Variants in CSMD1 observed in about 807,000 individuals in gnomAD.
CSMD1 encodes CUB and Sushi multiple domains 1, also known as CUB and sushi domain-containing protein 1.
In CSMD1, 213 loss-of-function variants were observed where a neutral mutation model predicts 417.5. The observed-to-expected ratio is 0.51, with a 90% confidence interval of 0.46 to 0.57. The LOEUF (loss-of-function observed/expected upper bound fraction) is 0.57. Ranked by LOEUF, CSMD1 falls within the 20% of genes least tolerant of loss-of-function variation. The probability of loss-of-function intolerance (pLI) is 0.00; values close to 1 mark genes in which losing one functional copy is unlikely to be tolerated. For missense variants in CSMD1, 6,923 were observed against 4,529.7 expected (o/e 1.53, Z -15.17); for synonymous variants, 2,862 against 1,736.8 (o/e 1.65, Z -16.11).
At chr8:3,556,392 AATATAT>A (rs367650533) in intron 10 of CSMD1, among the ~76,000 whole-genome samples, 17 of 120,448 alleles carry the variant, frequency 1.4e-4, no homozygotes, top group Non-Finnish European at 2.4e-4. Flanking sequence ...TATAATAATT[AATATAT>A]ATATATATAT....
At chr8:4,738,672 T>C (rs1403374009) in intron 1 of CSMD1, among the ~76,000 whole-genome samples, 1 of 151,914 alleles carries the variant, frequency 6.6e-6, no homozygotes, top group East Asian at 1.9e-4. Context: ...TTTGACAAAG[T>C]AAAAAAAATC....
intron 3 of CSMD1, among the ~76,000 whole-genome samples, chr8:4,352,748 T>G (rs1196959279): frequency 6.6e-6 from 1 of 152,204 alleles, no homozygotes; most frequent in African/African-American, 2.4e-5. Context: ...TAAGAGTCAT[T>G]TGATGGAAAC....
intron 23 of CSMD1, among the ~76,000 whole-genome samples, chr8:3,339,245 G>A (rs1807484217): frequency 6.6e-6 from 1 of 151,804 alleles, no homozygotes; most frequent in African/African-American, 2.4e-5. Context: ...GTGTTTCTTT[G>A]GAATGTCGTT....
intron 1 of CSMD1, among the ~76,000 whole-genome samples, chr8:4,983,658 G>C (rs532968499): frequency 1.3e-5 from 2 of 152,176 alleles, no homozygotes; most frequent in Admixed American, 6.5e-5. Flanking sequence ...ATGTAGCTTG[G>C]ATTACGGGTG....
Position 4,138,316 on chromosome 8 carries a change from T to C in CSMD1, c.416-106217A>G, listed in dbSNP as rs550838298. Among the ~76,000 whole-genome samples the C allele has an allele frequency of 1.9e-4, 28 of 151,240 alleles. 5 individuals are homozygous for C. The South Asian group carries it at 5.4e-3, about 29-fold the overall frequency. On this transcript the variant is annotated intron_variant, in intron 3 of 69. Coordinates refer to ENST00000635120, the MANE Select transcript of CSMD1 (RefSeq NM_033225.6). ...GGTTTCAGAATCATACACTTCAGAG[T>C]TGAGATTTACACATTTGAGTTGTGG...
chr8:4,949,106 T>A (rs775144958), intron 1 of CSMD1, among the ~76,000 whole-genome samples: 2 of 152,138 alleles, frequency 1.3e-5, no homozygotes, highest in Non-Finnish European at 1.5e-5. Context: ...AATCTGTAAA[T>A]GTGGTAAATG....
chr8:4,272,407 G>A (rs1239088124), intron 3 of CSMD1, among the ~76,000 whole-genome samples: 9 of 152,092 alleles, frequency 5.9e-5, no homozygotes, highest in African/African-American at 1.7e-4. Context: ...TATAGACAAT[G>A]AGGATTACAT....
intron 5 of CSMD1, among the ~76,000 whole-genome samples, chr8:3,816,027 G>A (rs1266602673): frequency 1.3e-5 from 2 of 152,194 alleles, no homozygotes; most frequent in Non-Finnish European, 2.9e-5. Context: ...GATATTGTCT[G>A]TGTTATTAGG....
At position 4,787,923 on chromosome 8, in the gene CSMD1, C is replaced by G. The variant is rs923983095; in HGVS notation, c.86-150365G>C. On this transcript the variant is annotated intron_variant, in intron 1 of 69. Transcript: ENST00000635120. ...TTGATGTAACCACAAAGAAATTGTT[C>G]TTGCTGATGTAATTGACAATGATTC... The G allele has an allele frequency of 6.3e-6, 10 of 1,591,052 alleles. No homozygotes were observed. In the African/African-American group the frequency reaches 1.2e-4, roughly 19 times the overall value.
At chr8:4,064,011 A>C (rs964736349) in intron 3 of CSMD1, among the ~76,000 whole-genome samples, 1 of 152,154 alleles carries the variant, frequency 6.6e-6, no homozygotes, top group Non-Finnish European at 1.5e-5. Context: ...GTACCTAAAG[A>C]AGCCTCAGAT....
At chr8:4,514,340 C>G (rs552172634) in intron 2 of CSMD1, among the ~76,000 whole-genome samples, 3 of 152,120 alleles carry the variant, frequency 2.0e-5, no homozygotes, top group Admixed American at 1.3e-4. Flanking sequence ...TCTCCATATA[C>G]GGCTATACTG....
chr8:3,962,441 A>G (rs1812393349), intron 5 of CSMD1, among the ~76,000 whole-genome samples: 1 of 152,102 alleles, frequency 6.6e-6, no homozygotes, highest in Non-Finnish European at 1.5e-5. Context: ...CAGCTGGGTG[A>G]TGTGAGAGGG....
chr8:4,139,149 G>A (rs73176393), intron 3 of CSMD1, among the ~76,000 whole-genome samples: 45,008 of 151,876 alleles, frequency 0.3, 8,100 homozygotes, highest in Non-Finnish European at 0.39. Flanking sequence ...ATTTCCTACT[G>A]GTTTTATCAC....
intron 5 of CSMD1, among the ~76,000 whole-genome samples, chr8:3,936,377 G>A (rs1375159070): frequency 6.6e-6 from 1 of 152,102 alleles, no homozygotes; most frequent in Non-Finnish European, 1.5e-5. Flanking sequence ...GATTTTCATA[G>A]CTAGAGAAAA....
intron 5 of CSMD1, among the ~76,000 whole-genome samples, chr8:3,843,271 T>C (rs1229520693): frequency 6.6e-6 from 1 of 152,198 alleles, no homozygotes; most frequent in Non-Finnish European, 1.5e-5. Flanking sequence ...TAAAAATACT[T>C]TCGTTGTTTG....
At chr8:4,032,738 G>C (rs892656682) in intron 3 of CSMD1, among the ~76,000 whole-genome samples, 5 of 152,140 alleles carry the variant, frequency 3.3e-5, no homozygotes, top group African/African-American at 7.2e-5. Context: ...GCAAGTTTCA[G>C]TGCTAAGTTT....
intron 10 of CSMD1, among the ~76,000 whole-genome samples, chr8:3,507,187 T>C (rs894529847): frequency 2.0e-5 from 3 of 152,176 alleles, no homozygotes; most frequent in Admixed American, 1.3e-4. Flanking sequence ...AACTCAATTG[T>C]GAATCATCAT....
chr8:3,151,172 G>C (rs1380769), intron 40 of CSMD1: 1 of 442,988 alleles, frequency 2.3e-6, no homozygotes, highest in South Asian at 3.9e-5. Context: ...ATCATCATTC[G>C]GCCAATTTAA....
intron 35 of CSMD1, among the ~76,000 whole-genome samples, chr8:3,188,231 T>C (rs540719555): frequency 1.1e-5 from 1 of 88,906 alleles, no homozygotes; most frequent in East Asian, 2.8e-4. Context: ...TCTATCTATA[T>C]ATACATGGCA....
Sources: allele counts gnomAD v4.1 joint callset (sites outside exome capture counted in the v4.1 genomes callset), GRCh38; gene constraint gnomAD v4.1.1; transcripts MANE v1.5; gene names NCBI Gene and HGNC (gene_info 2026-07-23, HGNC 2026-07-21).